The following PPP2CA variants were observed in gnomAD, a reference collection of about 807,000 sequenced individuals.
The protein encoded by PPP2CA is serine/threonine-protein phosphatase 2A catalytic subunit alpha isoform.
PPP2CA carries 5 observed loss-of-function variants against 38.8 expected under a neutral mutation model. The ratio of observed to expected loss-of-function variants is 0.13; its 90% CI spans 0.07 to 0.27. The LOEUF is 0.27. Among genes scored for constraint, PPP2CA ranks in the 10% least tolerant of loss-of-function variants. The pLI is 1.00. For missense variants in PPP2CA, 88 were observed against 389.7 expected (o/e 0.23, Z 6.52); for synonymous variants, 152 against 134.0 (o/e 1.13, Z -0.93).
chr5:134,197,655 A>G lies in PPP2CA; in HGVS notation c.*117T>C. On this transcript the variant is annotated 3_prime_UTR_variant, in exon 7 of 7. Transcript: ENST00000481195. ...TATGGCACATCTTTTGGTCCATGTG[A>G]AAACAAGTTTTTTGAATGTTAACTA... 1.2e-6 allele frequency: 1 copy of G among 843,134 alleles called. No homozygotes were observed. The highest frequency in any genetic ancestry group is 1.9e-6 in the Non-Finnish European group (1 of 518,062). 52.2% of individuals were successfully genotyped at this position (843,134 alleles called of 1,614,324 possible). A position where few individuals can be genotyped will look rare whatever the true frequency, so the allele number is the denominator to read the frequency against.
At chr5:134,203,641 C>T (rs1203114903) in intron 2 of PPP2CA, 1 of 152,236 alleles carries the variant, frequency 6.6e-6, no homozygotes, top group East Asian at 1.9e-4. Context: ...TGTCCAAATA[C>T]AGTCACATTC....
chr5:134,221,071 T>A (rs985765383), intron 1 of PPP2CA, among the ~76,000 whole-genome samples: 3 of 152,120 alleles, frequency 2.0e-5, no homozygotes, highest in African/African-American at 7.2e-5. Flanking sequence ...AATACACACA[T>A]GCATGACATT....
chr5:134,197,957 T>C (rs1761889521), intron 6 of PPP2CA, 113 bp from the exon 7 acceptor site: 2 of 867,622 alleles, frequency 2.3e-6, no homozygotes, highest in Non-Finnish European at 3.8e-6. Context: ...TTTTGGCTTG[T>C]CTTAATGTAA....
At chr5:134,221,014 T>C (rs1474099791) in intron 1 of PPP2CA, among the ~76,000 whole-genome samples, 3 of 152,058 alleles carry the variant, frequency 2.0e-5, no homozygotes, top group Non-Finnish European at 4.4e-5. Context: ...TGAAGTCAAC[T>C]CCAAACTAAC....
intron 1 of PPP2CA, among the ~76,000 whole-genome samples, chr5:134,218,512 G>A (rs1480190949): frequency 6.6e-6 from 1 of 152,064 alleles, no homozygotes; most frequent in Non-Finnish European, 1.5e-5. Flanking sequence ...CATAGAAAAA[G>A]AAGTTTTAAT....
chr5:134,202,046 AAAC>A (rs1221161083), intron 2 of PPP2CA, 25 bp from the exon 3 acceptor site: 1 of 1,558,532 alleles, frequency 6.4e-7, no homozygotes, highest in South Asian at 1.2e-5. Flanking sequence ...TGCAAAACAT[AAAC>A]AACTAGCTCT....
intron 2 of PPP2CA, among the ~76,000 whole-genome samples, chr5:134,204,878 C>T (rs1428384558): frequency 1.3e-5 from 2 of 151,632 alleles, no homozygotes; most frequent in African/African-American, 4.8e-5. Flanking sequence ...ATATTTACAG[C>T]AAATGTTTTC....
chr5:134,198,450 G>GT (rs1369667097), intron 6 of PPP2CA, among the ~76,000 whole-genome samples: 1 of 151,864 alleles, frequency 6.6e-6, no homozygotes, highest in Non-Finnish European at 1.5e-5. Context: ...GAAAAACCTA[G>GT]TAATTCATAC....
At chr5:134,212,146 A>G (rs1762218411) in intron 1 of PPP2CA, among the ~76,000 whole-genome samples, 1 of 152,040 alleles carries the variant, frequency 6.6e-6, no homozygotes, top group South Asian at 2.1e-4. Flanking sequence ...AGAGCACACA[A>G]TAACTACAGG....
chr5:134,200,265 A>G (rs954005673), intron 5 of PPP2CA, 70 bp downstream of exon 5: 3 of 1,469,456 alleles, frequency 2.0e-6, no homozygotes, highest in South Asian at 1.5e-5. Flanking sequence ...CATTAATTTA[A>G]AACTCCCTAA....
At chr5:134,225,618 C>A (rs1408299777) in intron 1 of PPP2CA, 142 bp downstream of exon 1, 1 of 647,170 alleles carries the variant, frequency 1.5e-6, no homozygotes, top group Non-Finnish European at 2.4e-6. Flanking sequence ...AGGAAGCCGC[C>A]GCCGGCCAGG....
intron 1 of PPP2CA, among the ~76,000 whole-genome samples, chr5:134,214,962 C>T (rs1176085145): frequency 6.6e-6 from 1 of 151,866 alleles, no homozygotes; most frequent in African/African-American, 2.4e-5. Context: ...GCATCTTAAA[C>T]TTGCATCGTT....
At chr5:134,212,904 C>T (rs1292816137) in intron 1 of PPP2CA, among the ~76,000 whole-genome samples, 1 of 152,122 alleles carries the variant, frequency 6.6e-6, no homozygotes, top group Non-Finnish European at 1.5e-5. Context: ...TCTATAAAGG[C>T]TAATAGAGGT....
rs1240686468 is a variant in PPP2CA at position 134,202,129 on chromosome 5, C to T, written c.313-108G>A. The T allele has an allele frequency of 2.2e-5, 24 of 1,085,586 alleles. No homozygotes were observed. In the Admixed American group the frequency reaches 6.9e-4, roughly 31 times the overall value. The allele number at this position is 1,085,586 out of a possible 1,614,324, so 67.2% of individuals were successfully genotyped here. The stretch of plus-strand genomic sequence containing the variant: ...TGCAGTTACAATTTTGTTGAAAAAA[C>T]AGCACACATCCTCATATCATAGTGA... On this transcript the variant is annotated intron_variant, in intron 2 of 6. Coordinates refer to ENST00000481195, the MANE Select transcript of PPP2CA (RefSeq NM_002715.4).
intron 1 of PPP2CA, among the ~76,000 whole-genome samples, chr5:134,213,014 C>T (rs778503308): frequency 7.2e-5 from 11 of 152,090 alleles, no homozygotes; most frequent in Non-Finnish European, 1.0e-4. Context: ...GCATCAAGTA[C>T]CAATATAAAA....
chr5:134,214,388 C>A (rs1762275019), intron 1 of PPP2CA, among the ~76,000 whole-genome samples: 1 of 152,142 alleles, frequency 6.6e-6, no homozygotes, highest in African/African-American at 2.4e-5. Context: ...TATACGTGTA[C>A]AGTATTATTG....
intron 3 of PPP2CA, 54 bp downstream of exon 3, chr5:134,201,794 C>A: frequency 6.4e-7 from 1 of 1,567,904 alleles, no homozygotes; most frequent in East Asian, 2.3e-5. Flanking sequence ...CACCTGAACA[C>A]TAAAGAAAGC....
chr5:134,225,694 C>G, intron 1 of PPP2CA, 66 bp downstream of exon 1: 4 of 1,500,312 alleles, frequency 2.7e-6, no homozygotes, highest in Non-Finnish European at 3.6e-6. Flanking sequence ...GCACCCTCCT[C>G]ACGGCCGCCT....
At position 134,200,443 on chromosome 5, in the gene PPP2CA, A is replaced by G; in HGVS notation, c.630T>C (p.Gly210=). 1 of 1,614,198 alleles carries G rather than the reference A, an allele frequency of 6.2e-7. No homozygotes were observed. Among genetic ancestry groups the G allele is most frequent in the Non-Finnish European group, 8.5e-7 (1 of 1,180,034 alleles). ...TGTAACCAGCTCCTCGAGGAGATAT[A>G]CCCCAACCACCACGGTCATCTGGAT... ...WSDPDDRGGW[G]ISPRGAGYTF... Residue 210 remains glycine, a synonymous_variant, in exon 5 of 7, where the codon GGT becomes GGC. Coordinates refer to ENST00000481195, the MANE Select transcript of PPP2CA (RefSeq NM_002715.4).
Sources: allele counts gnomAD v4.1 joint callset (sites outside exome capture counted in the v4.1 genomes callset), GRCh38; gene constraint gnomAD v4.1.1; transcripts MANE v1.5; gene names NCBI Gene and HGNC (gene_info 2026-07-23, HGNC 2026-07-21).